The following GALNT10 variants were observed in gnomAD, a reference collection of about 807,000 sequenced individuals.
GALNT10 encodes the protein polypeptide N-acetylgalactosaminyltransferase 10, also known as GalNAc transferase 10.
In GALNT10, 41 loss-of-function variants were observed where a neutral mutation model predicts 75.0. The ratio of observed to expected loss-of-function variants is 0.55; its 90% confidence interval spans 0.43 to 0.71. The LOEUF is 0.71. GALNT10 is among the 30% of genes least tolerant of loss of function. The pLI, the probability that GALNT10 is intolerant of heterozygous loss-of-function variation, is 0.00. For missense variants in GALNT10, 727 were observed against 818.5 expected (o/e 0.89, Z 1.36); for synonymous variants, 302 against 313.0 (o/e 0.96, Z 0.37).
At chr5:154,387,887 T>A (rs2113187579) in intron 7 of GALNT10, 1 of 141,504 alleles carries the variant, frequency 7.1e-6, no homozygotes. Context: ...TTATATCCTT[T>A]TTTTTTCTTT....
chr5:154,256,618 A>G (rs1195932798), intron 1 of GALNT10, among the ~76,000 whole-genome samples: 1 of 152,126 alleles, frequency 6.6e-6, no homozygotes, highest in Non-Finnish European at 1.5e-5. Context: ...TATTAGGAGT[A>G]GGCAATTCTG....
rs974195072 is a variant in GALNT10, at chr5:154,298,840, G to C, written c.401+761G>C. ...AATTTGAGGTGCGTTAGAATCACTT[G>C]GAGGGTTGTTAGACACAGGATATTG... is the stretch of plus-strand genomic sequence containing the variant. On this transcript the variant is annotated intron_variant, in intron 3 of 11. Coordinates refer to ENST00000297107, the MANE Select transcript of GALNT10 (RefSeq NM_198321.4). This position sits in a 1 kb window ranked among gnomAD's most constrained non-coding sequence, Gnocchi z 4.1. Among the ~76,000 whole-genome samples the C allele has an allele frequency of 1.8e-4, 28 of 152,160 alleles. No individual in the cohort carries two copies. The highest frequency in any genetic ancestry group is 6.8e-4 in the African/African-American group (28 of 41,438).
chr5:154,384,380 TTAA>T (rs1281608605), intron 6 of GALNT10, among the ~76,000 whole-genome samples: 1 of 152,242 alleles, frequency 6.6e-6, no homozygotes, highest in Non-Finnish European at 1.5e-5. Flanking sequence ...AAAATTCATC[TTAA>T]TAATGTATCT....
intron 4 of GALNT10, among the ~76,000 whole-genome samples, chr5:154,332,089 C>G (rs1271598987): frequency 6.6e-6 from 1 of 152,134 alleles, no homozygotes; most frequent in Non-Finnish European, 1.5e-5. Context: ...TTCCCAGTCT[C>G]CTCTCCCAGC....
chr5:154,273,925 C>T (rs1274175952), intron 1 of GALNT10, among the ~76,000 whole-genome samples: 2 of 152,194 alleles, frequency 1.3e-5, no homozygotes, highest in African/African-American at 2.4e-5. Context: ...TCCCCCTCCG[C>T]CTCCCAGTTG....
chr5:154,411,692 G>A (rs910213459), intron 9 of GALNT10, among the ~76,000 whole-genome samples: 5 of 152,258 alleles, frequency 3.3e-5, no homozygotes, highest in Admixed American at 2.0e-4. Context: ...GCACTGCTGT[G>A]TGGACTTCCC....
chr5:154,356,662 G>A (rs929578042), intron 4 of GALNT10, among the ~76,000 whole-genome samples: 2 of 152,238 alleles, frequency 1.3e-5, no homozygotes, highest in Non-Finnish European at 2.9e-5. Flanking sequence ...CTGAAGGTGG[G>A]AGAAGGGAGA....
rs754996691 is a variant in GALNT10 at position 154,415,917 on chromosome 5, G to A, written c.1638G>A (p.Leu546=). The change falls in exon 11 of 12, where the codon CTG becomes CTA. Residue 546 remains leucine (L), a synonymous_variant. Transcript: ENST00000297107. The part of the protein sequence containing the change: ...YDCHSMKGNQ[L]WKYRKDKTLY... The stretch of plus-strand genomic sequence containing the variant: ...GCCACAGCATGAAGGGCAACCAGCT[G>A]TGGAAATACCGCAAAGTAAGATGGG... 2 of 1,614,096 alleles carry A rather than the reference G, an allele frequency of 1.2e-6. No individual in the cohort carries two copies. Among genetic ancestry groups the A allele is most frequent in the Non-Finnish European group, 8.5e-7 (1 of 1,179,990 alleles).
At chr5:154,274,397 T>C (rs1753918459) in intron 1 of GALNT10, among the ~76,000 whole-genome samples, 1 of 152,206 alleles carries the variant, frequency 6.6e-6, no homozygotes, top group Non-Finnish European at 1.5e-5. Context: ...TATGCTACTA[T>C]CTTGCCAAGT....
At chr5:154,283,854 T>C (rs891838216) in intron 1 of GALNT10, among the ~76,000 whole-genome samples, 6 of 152,210 alleles carry the variant, frequency 3.9e-5, no homozygotes, top group African/African-American at 1.4e-4. Context: ...GGAAATTCAC[T>C]CTTCCAGCTT....
chr5:154,387,883 C>T (rs1755830520), intron 7 of GALNT10: 1 of 146,562 alleles, frequency 6.8e-6, no homozygotes, highest in Admixed American at 7.0e-5. Context: ...CAGTTTATAT[C>T]CTTTTTTTTT....
chr5:154,409,687 G>T lies in GALNT10; in HGVS notation c.1311G>T (p.Trp437Cys). The change falls in exon 9 of 12, where the codon TGG (tryptophan) becomes TGT (cysteine). Residue 437 changes from tryptophan to cysteine, a missense_variant. Physicochemically the swap from Trp to Cys is radical, Grantham distance 215. Transcript: ENST00000297107. The surrounding 1 kb of genome is among the most constrained non-coding windows in gnomAD (Gnocchi z 4.5). Reference protein sequence around the residue: ...RSSLNCKSFKWFMTKIAWDLP... With the variant: ...RSSLNCKSFKCFMTKIAWDLP... The stretch of plus-strand genomic sequence containing the variant: ...CCCTTAACTGCAAGAGTTTCAAGTG[G>T]TTTATGACGAAGATAGCCTGGGACC... 1 of 1,614,198 alleles carries T rather than the reference G, an allele frequency of 6.2e-7. No individual in the cohort carries two copies. Among genetic ancestry groups the T allele is most frequent in the Non-Finnish European group, 8.5e-7 (1 of 1,180,030 alleles).
chr5:154,386,692 T>C, intron 7 of GALNT10: 1 of 575,522 alleles, frequency 1.7e-6, no homozygotes, highest in Non-Finnish European at 3.0e-6. Context: ...CCTTGTGTCT[T>C]CTTAAGATGT....
chr5:154,219,171 G>A (rs146367593), intron 1 of GALNT10, among the ~76,000 whole-genome samples: 1,856 of 152,246 alleles, frequency 0.012, 18 homozygotes, highest in Middle Eastern at 0.041. Context: ...TCTACTCCCC[G>A]ACATGTGCTC....
At position 154,294,816 on chromosome 5, in the gene GALNT10, G is replaced by A. The variant is rs1408674074; in HGVS notation, c.160G>A (p.Gly54Ser). The A allele has an allele frequency of 1.3e-6, 2 of 1,542,400 alleles. No individual in the cohort carries two copies. The change falls in exon 2 of 12, where the codon GGC (glycine) becomes AGC (serine). Residue 54 changes from glycine to serine, a missense_variant and splice_region_variant. Gly to Ser is a moderately conservative substitution (Grantham distance 56, BLOSUM62 0). Transcript: ENST00000297107. The part of the protein sequence containing the change: ...GAAVAPAAGQ[G>S]SHSRQKKTFF... ...TTCATAGTTTTTGTCTTTTTTTAAG[G>A]GCTCACACAGTCGACAAAAGAAAAC...
intron 1 of GALNT10, among the ~76,000 whole-genome samples, chr5:154,231,083 A>G (rs975825141): frequency 2.0e-5 from 3 of 152,154 alleles, no homozygotes; most frequent in African/African-American, 7.2e-5. Context: ...TATATAGATG[A>G]GAGAAATAGG....
intron 1 of GALNT10, among the ~76,000 whole-genome samples, chr5:154,203,745 C>T (rs1181292458): frequency 6.6e-6 from 1 of 152,212 alleles, no homozygotes; most frequent in Non-Finnish European, 1.5e-5. Context: ...CAGGACACTC[C>T]CTTGGATGAG....
rs1179536995 is a variant in GALNT10 at position 154,190,826 on chromosome 5, G to GCGGCGGGGC, written c.-31_-23dup. On this transcript the variant is annotated 5_prime_UTR_variant, in exon 1 of 12. Coordinates refer to ENST00000297107, the MANE Select transcript of GALNT10 (RefSeq NM_198321.4). ...GCGGACGCGCGGAGCTGGGGGCGGC[G>GCGGCGGGGC]CGGCGGGGCCGGCGGGGCGCGGCGG... 12 of 1,080,830 alleles carry GCGGCGGGGC rather than the reference G, an allele frequency of 1.1e-5. No homozygotes were observed. The highest frequency in any genetic ancestry group is 6.8e-5 in the African/African-American group (4 of 59,144). The allele number at this position is 1,080,830 out of a possible 1,614,324, so 67.0% of individuals were successfully genotyped here.
At chr5:154,247,283 G>A (rs1299974128) in intron 1 of GALNT10, among the ~76,000 whole-genome samples, 1 of 152,144 alleles carries the variant, frequency 6.6e-6, no homozygotes, top group Non-Finnish European at 1.5e-5. Context: ...GGATTGACTT[G>A]GCAATGCGGG....
Sources: gnomAD v4.1 joint callset for allele counts (sites outside exome capture counted in the v4.1 genomes callset) on GRCh38, gnomAD v4.1.1 for gene constraint, Gnocchi (gnomAD v3.1) non-coding constraint, MANE v1.5 for transcripts, NCBI Gene and HGNC (gene_info 2026-07-23, HGNC 2026-07-21) for gene names.